The following DRC11L variants were observed in gnomAD, a reference collection of about 807,000 sequenced individuals.
DRC11L encodes the protein dynein regulatory complex subunit 11 like, also known as dynein regulatory complex subunit like-11.
chr7:151,204,600 C>T, the DRC11L span: 1 of 399,086 alleles, frequency 2.5e-6, no homozygotes, highest in Non-Finnish European at 4.4e-6. Flanking sequence ...CTCCAGCACG[C>T]GGCCCGCCAC....
chr7:151,203,572 G>A, the DRC11L span: 5 of 398,396 alleles, frequency 1.3e-5, no homozygotes, highest in African/African-American at 2.1e-5. Context: ...CCATCTGGCC[G>A]ATCCGTTACC....
chr7:151,203,134 G>A, the DRC11L span: 1 of 398,996 alleles, frequency 2.5e-6, no homozygotes, highest in African/African-American at 2.1e-5. Context: ...GAGCACATGA[G>A]GGAGAGCTTG....
At chr7:151,200,544 G>T in the DRC11L span, 1 of 399,016 alleles carries the variant, frequency 2.5e-6, no homozygotes, top group Non-Finnish European at 4.4e-6. Flanking sequence ...GGTCCGAGAG[G>T]GTCACACTAG....
the DRC11L span, among the ~76,000 whole-genome samples, chr7:151,196,743 G>A: frequency 2.0e-5 from 3 of 152,182 alleles, no homozygotes; most frequent in South Asian, 4.1e-4. Context: ...CTACCCAGAC[G>A]GCAAATAGGC....
the DRC11L span, chr7:151,193,171 C>T: frequency 5.0e-6 from 2 of 398,086 alleles, no homozygotes; most frequent in Non-Finnish European, 8.8e-6. Flanking sequence ...AGGGAGACCT[C>T]ACCAGTTCAG....
chr7:151,194,477 G>A, the DRC11L span: 1 of 399,026 alleles, frequency 2.5e-6, no homozygotes, highest in Non-Finnish European at 4.4e-6. Context: ...TTGGCACCTG[G>A]CCACAGAGTG....
At chr7:151,193,988 C>G in the DRC11L span, among the ~76,000 whole-genome samples, 1 of 151,342 alleles carries the variant, frequency 6.6e-6, no homozygotes, top group Admixed American at 6.6e-5. Flanking sequence ...TGGTGGTCTT[C>G]TGGGAGCAGA....
At chr7:151,203,077 C>T in the DRC11L span, 82 of 399,230 alleles carry the variant, frequency 2.1e-4, no homozygotes, top group African/African-American at 3.7e-4. Context: ...GGCCTCAGTC[C>T]GGTGCATTCC....
chr7:151,200,169 C>T, the DRC11L span, among the ~76,000 whole-genome samples: 2 of 152,218 alleles, frequency 1.3e-5, no homozygotes, highest in Non-Finnish European at 2.9e-5. Context: ...GAGCTGCTGC[C>T]AGGGGCCGGA....
the DRC11L span, chr7:151,204,381 C>T: frequency 5.2e-6 from 2 of 387,656 alleles, no homozygotes; most frequent in East Asian, 3.7e-5. Flanking sequence ...GGCCCCATCC[C>T]TACCCCACCC....
At chr7:151,193,990 G>A in the DRC11L span, among the ~76,000 whole-genome samples, 1 of 152,022 alleles carries the variant, frequency 6.6e-6, no homozygotes, top group African/African-American at 2.4e-5. Context: ...GTGGTCTTCT[G>A]GGAGCAGAAC....
At chr7:151,199,262 C>G in the DRC11L span, among the ~76,000 whole-genome samples, 369 of 152,286 alleles carry the variant, frequency 2.4e-3, 1 homozygote, top group Non-Finnish European at 4.3e-3. This position sits in a 1 kb window ranked among gnomAD's most constrained non-coding sequence, Gnocchi z 5.2. Flanking sequence ...GTCCCCTGCC[C>G]GATTTCCCCA....
the DRC11L span, chr7:151,196,413 T>C: frequency 1.0e-5 from 4 of 399,024 alleles, 1 homozygote; most frequent in South Asian, 5.1e-4. Flanking sequence ...TACAGGGTGG[T>C]GGCCTGCAGG....
the DRC11L span, chr7:151,192,399 G>A: frequency 1.3e-5 from 5 of 399,258 alleles, no homozygotes; most frequent in South Asian, 1.3e-4. Flanking sequence ...CGGTCTCCGG[G>A]AGTCAGCAGC....
chr7:151,191,727 G>C, the DRC11L span: 1 of 399,348 alleles, frequency 2.5e-6, no homozygotes, highest in South Asian at 1.3e-4. Flanking sequence ...CGCTTGGACA[G>C]TTGCAGGAAC....
the DRC11L span, among the ~76,000 whole-genome samples, chr7:151,201,034 T>C: frequency 6.6e-6 from 1 of 151,944 alleles, no homozygotes; most frequent in South Asian, 2.1e-4. The surrounding 1 kb of genome is among the most constrained non-coding windows in gnomAD (Gnocchi z 4.1). Context: ...ACCCCATCTG[T>C]GCAGAGCTGG....
chr7:151,197,898 G>A, the DRC11L span: 5 of 399,126 alleles, frequency 1.3e-5, no homozygotes, highest in Admixed American at 4.4e-5. Context: ...GAACCGGCCA[G>A]TAAGGTCACT....
At chr7:151,198,562 T>A in the DRC11L span, among the ~76,000 whole-genome samples, 79 of 152,262 alleles carry the variant, frequency 5.2e-4, no homozygotes, top group South Asian at 1.9e-3. Flanking sequence ...TTCTGGCACT[T>A]TCTCTCCCTT....
chr7:151,196,561 G>A, the DRC11L span: 7 of 399,582 alleles, frequency 1.8e-5, no homozygotes, highest in Admixed American at 8.8e-5. Context: ...GTATCTGACC[G>A]CAGAGAATGG....
Sources: gnomAD v4.1 joint callset for allele counts (sites outside exome capture counted in the v4.1 genomes callset) on GRCh38, gnomAD v4.1.1 for gene constraint, Gnocchi (gnomAD v3.1) non-coding constraint, MANE v1.5 for transcripts, NCBI Gene and HGNC (gene_info 2026-07-23, HGNC 2026-07-21) for gene names.